DLGAP2: variants seen among roughly 807,000 people sequenced by gnomAD.
The protein encoded by DLGAP2 is disks large-associated protein 2.
DLGAP2 carries 26 observed loss-of-function variants against 100.3 expected under a neutral mutation model. The observed-to-expected ratio is 0.26, with a 90% CI of 0.19 to 0.36. DLGAP2 has a LOEUF of 0.36. Ranked by LOEUF, DLGAP2 falls within the 10% of genes least tolerant of loss-of-function variation. DLGAP2 has a pLI of 1.00. For synonymous variants in DLGAP2, 886 were observed against 630.1 expected (o/e 1.41, Z -6.08); for missense variants, 1,858 against 1,453.2 (o/e 1.28, Z -4.53).
intron 1 of DLGAP2, among the ~76,000 whole-genome samples, chr8:759,203 A>G (rs1268820661): frequency 1.8e-5 from 2 of 114,184 alleles, no homozygotes; most frequent in African/African-American, 6.4e-5. Flanking sequence ...CCTTCCCATT[A>G]TCAATACCCC....
chr8:1,683,383 T>G (rs1799008954), intron 12 of DLGAP2, among the ~76,000 whole-genome samples: 1 of 151,398 alleles, frequency 6.6e-6, no homozygotes, highest in African/African-American at 2.4e-5. Context: ...TGGAGGAAGA[T>G]CTTCATGTCA....
intron 1 of DLGAP2, among the ~76,000 whole-genome samples, chr8:800,907 G>T (rs911123303): frequency 1.3e-5 from 2 of 151,812 alleles, no homozygotes; most frequent in African/African-American, 4.8e-5. Flanking sequence ...CTGTGTCCTC[G>T]CCCCCTCAAA....
intron 2 of DLGAP2, among the ~76,000 whole-genome samples, chr8:1,101,845 C>G (rs9774022): frequency 1.7e-5 from 1 of 57,256 alleles, no homozygotes; most frequent in South Asian, 5.3e-4. Context: ...CACCCCTGAG[C>G]CGAACACAAC....
At chr8:1,690,248 C>A (rs973487183) in intron 12 of DLGAP2, among the ~76,000 whole-genome samples, 1 of 148,672 alleles carries the variant, frequency 6.7e-6, no homozygotes, top group Non-Finnish European at 1.5e-5. Context: ...CCCAGCTACT[C>A]GGGAGGCTGA....
At chr8:889,143 A>G (rs901484885) in intron 1 of DLGAP2, among the ~76,000 whole-genome samples, 3 of 152,160 alleles carry the variant, frequency 2.0e-5, no homozygotes, top group African/African-American at 4.8e-5. Context: ...TTCACAAGAC[A>G]ATGTCATCAG....
At chr8:1,358,348 A>C (rs903084405) in intron 3 of DLGAP2, among the ~76,000 whole-genome samples, 3 of 152,090 alleles carry the variant, frequency 2.0e-5, no homozygotes, top group Non-Finnish European at 2.9e-5. Context: ...AGATTACGGG[A>C]AAAAGGCAGG....
chr8:1,056,598 C>T (rs184090138), intron 2 of DLGAP2, among the ~76,000 whole-genome samples: 3 of 152,314 alleles, frequency 2.0e-5, no homozygotes, highest in East Asian at 1.9e-4. Context: ...AACACAGCTC[C>T]GGTTGAAAGG....
chr8:1,290,123 A>C (rs567097935), intron 3 of DLGAP2, among the ~76,000 whole-genome samples: 1 of 152,282 alleles, frequency 6.6e-6, no homozygotes, highest in African/African-American at 2.4e-5. Context: ...TGAGGAGAGA[A>C]GAGGCTCTGA....
At chr8:1,007,885 G>A (rs189002520) in intron 2 of DLGAP2, among the ~76,000 whole-genome samples, 60 of 152,236 alleles carry the variant, frequency 3.9e-4, no homozygotes, top group Non-Finnish European at 6.6e-4. Flanking sequence ...CATTTTAAAA[G>A]GGAAAATGTC....
chr8:1,003,785 C>G (rs1244566554), intron 2 of DLGAP2, among the ~76,000 whole-genome samples: 1 of 152,298 alleles, frequency 6.6e-6, no homozygotes, highest in African/African-American at 2.4e-5. Context: ...ACCTTGGTCC[C>G]CCCATACCCC....
intron 2 of DLGAP2, among the ~76,000 whole-genome samples, chr8:1,235,948 G>A (rs62487765): frequency 2.9e-4 from 1 of 3,508 alleles, no homozygotes; most frequent in Non-Finnish European, 1.0e-3. Flanking sequence ...ACATGGCGCC[G>A]TGTCTAGTTA....
intron 1 of DLGAP2, among the ~76,000 whole-genome samples, chr8:897,186 G>C (rs1036201052): frequency 3.9e-5 from 6 of 152,168 alleles, no homozygotes; most frequent in Non-Finnish European, 7.3e-5. Context: ...TGTAAAACAT[G>C]ATCGTGGCCT....
chr8:997,839 C>T (rs1173291704), intron 2 of DLGAP2, among the ~76,000 whole-genome samples: 8 of 151,458 alleles, frequency 5.3e-5, no homozygotes, highest in African/African-American at 9.7e-5. Flanking sequence ...CACGCATACA[C>T]GTGTGCATAC....
intron 3 of DLGAP2, among the ~76,000 whole-genome samples, chr8:1,336,624 C>T (rs1801281430): frequency 6.6e-6 from 1 of 152,174 alleles, no homozygotes; most frequent in Non-Finnish European, 1.5e-5. Flanking sequence ...GCCTCTGTGG[C>T]TTCTGCACCT....
chr8:1,407,855 T>A (rs1177490929), intron 3 of DLGAP2, among the ~76,000 whole-genome samples: 4 of 152,186 alleles, frequency 2.6e-5, no homozygotes, highest in Non-Finnish European at 5.9e-5. Flanking sequence ...AGTCGTGTAT[T>A]GAGTGCTTAC....
intron 1 of DLGAP2, among the ~76,000 whole-genome samples, chr8:779,051 T>A (rs1585853920): frequency 6.6e-6 from 1 of 152,256 alleles, no homozygotes; most frequent in East Asian, 1.9e-4. Context: ...GGTGTGCCTT[T>A]TTTCAAGCCC....
At chr8:1,329,286 C>T (rs925284887) in intron 3 of DLGAP2, among the ~76,000 whole-genome samples, 5 of 152,176 alleles carry the variant, frequency 3.3e-5, no homozygotes, top group Admixed American at 2.6e-4. Flanking sequence ...TCTCAGTAAT[C>T]GCACAAGTGC....
chr8:1,178,399 T>C (rs76182958), intron 2 of DLGAP2, among the ~76,000 whole-genome samples: 6,105 of 152,156 alleles, frequency 0.04, 456 homozygotes, highest in African/African-American at 0.14. Context: ...TCCTAAGGCT[T>C]CCTTAATGGA....
chr8:1,178,340 G>A (rs555313951), intron 2 of DLGAP2, among the ~76,000 whole-genome samples: 33 of 152,206 alleles, frequency 2.2e-4, no homozygotes, highest in African/African-American at 7.2e-4. Flanking sequence ...TCTGCTGGCC[G>A]GGGTTGCGGA....
Sources: gnomAD v4.1 joint callset for allele counts (sites outside exome capture counted in the v4.1 genomes callset) on GRCh38, gnomAD v4.1.1 for gene constraint, MANE v1.5 for transcripts, NCBI Gene and HGNC (gene_info 2026-07-23, HGNC 2026-07-21) for gene names.